DCC: variants seen among roughly 807,000 people sequenced by gnomAD.
DCC encodes netrin receptor DCC.
A neutral mutation model predicts 172.5 loss-of-function variants in DCC; 58 were observed. That is an observed-to-expected ratio of 0.34 (90% CI 0.27 to 0.42). The LOEUF (loss-of-function observed/expected upper bound fraction) is 0.42. Ranked by LOEUF, DCC falls within the 10% of genes least tolerant of loss-of-function variation. The pLI, the probability that DCC is intolerant of heterozygous loss-of-function variation, is 1.00. For synonymous variants in DCC, 709 were observed against 644.5 expected (o/e 1.10, Z -1.52); for missense variants, 1,740 against 1,791.0 (o/e 0.97, Z 0.51).
At chr18:53,474,656 G>A (rs2045739832) in intron 25 of DCC, among the ~76,000 whole-genome samples, 2 of 152,322 alleles carry the variant, frequency 1.3e-5, no homozygotes, top group South Asian at 4.2e-4. Context: ...GGTCTCCCCA[G>A]CCACATGGAA....
chr18:53,082,793 G>T (rs1024342565), intron 7 of DCC, among the ~76,000 whole-genome samples: 2 of 151,618 alleles, frequency 1.3e-5, no homozygotes, highest in Non-Finnish European at 2.9e-5. Flanking sequence ...CTTCTTTTCT[G>T]GCCTGGGATT....
At chr18:52,541,973 C>A (rs2032474484) in intron 1 of DCC, among the ~76,000 whole-genome samples, 1 of 142,520 alleles carries the variant, frequency 7.0e-6, no homozygotes, top group Non-Finnish European at 1.5e-5. Context: ...TATATTATAT[C>A]AAATATGTAA....
chr18:52,593,630 T>C (rs940449087), intron 1 of DCC, among the ~76,000 whole-genome samples: 8 of 152,196 alleles, frequency 5.3e-5, no homozygotes, highest in Non-Finnish European at 7.3e-5. Context: ...AACACAAACT[T>C]TAATCACTTA....
chr18:52,462,309 A>G (rs1041957038), intron 1 of DCC, among the ~76,000 whole-genome samples: 1 of 152,082 alleles, frequency 6.6e-6, no homozygotes, highest in African/African-American at 2.4e-5. Context: ...GAACCCTCCA[A>G]TGACTTCCCA....
chr18:52,758,045 G>T (rs8083125), intron 2 of DCC, among the ~76,000 whole-genome samples: 3 of 151,966 alleles, frequency 2.0e-5, no homozygotes, highest in Non-Finnish European at 2.9e-5. Flanking sequence ...TGGTAATAAT[G>T]ATAATAATAA....
intron 7 of DCC, among the ~76,000 whole-genome samples, chr18:53,073,646 G>A (rs550191151): frequency 5.9e-5 from 9 of 152,000 alleles, no homozygotes; most frequent in South Asian, 2.1e-4. Flanking sequence ...TTGGTTAGAC[G>A]TTTAGAAAAA....
intron 1 of DCC, among the ~76,000 whole-genome samples, chr18:52,359,598 A>T (rs986714531): frequency 5.3e-5 from 8 of 152,144 alleles, no homozygotes; most frequent in South Asian, 2.1e-4. Context: ...CTGAAATTGA[A>T]GTAGCCATCC....
chr18:52,631,176 A>T (rs534496809), intron 1 of DCC, among the ~76,000 whole-genome samples: 3 of 152,256 alleles, frequency 2.0e-5, no homozygotes, highest in Non-Finnish European at 4.4e-5. Flanking sequence ...CATGTTTGGG[A>T]CACTTTTTTC....
rs536765111 is a variant in DCC, at chr18:52,637,482, T to A, written c.92-114572T>A. ...GCCTAAAGAAAAAAAAATAAAGAAT[T>A]TAGGAAACTTTGGAGGCGCTTTTGG... On this transcript the variant is annotated intron_variant, in intron 1 of 28. Transcript: ENST00000442544. 1.1e-4 allele frequency among the ~76,000 whole-genome samples: 17 copies of A among 152,018 alleles called. No individual in the cohort carries two copies. The South Asian group carries it at 3.5e-3, about 32-fold the overall frequency.
intron 27 of DCC, among the ~76,000 whole-genome samples, chr18:53,524,792 T>C (rs2046436756): frequency 6.6e-6 from 1 of 151,950 alleles, no homozygotes; most frequent in African/African-American, 2.4e-5. Flanking sequence ...CATCCTTCAT[T>C]TGCTCCATGG....
At chr18:52,558,369 C>G (rs894966329) in intron 1 of DCC, among the ~76,000 whole-genome samples, 32 of 152,154 alleles carry the variant, frequency 2.1e-4, no homozygotes, top group African/African-American at 7.7e-4. Context: ...AATTTCTCTA[C>G]ACATATTGTC....
chr18:53,442,087 T>A (rs1912313634), intron 22 of DCC, among the ~76,000 whole-genome samples: 1 of 152,198 alleles, frequency 6.6e-6, no homozygotes, highest in Non-Finnish European at 1.5e-5. Context: ...CAGCCATACA[T>A]TCTCATTGTT....
At chr18:53,351,574 G>T in intron 15 of DCC, among the ~76,000 whole-genome samples, 2 of 141,120 alleles carry the variant, frequency 1.4e-5, no homozygotes, top group East Asian at 2.1e-4. Flanking sequence ...TTTTCCTTTT[G>T]TTAAAATAAC....
chr18:52,639,437 C>G (rs1316765954), intron 1 of DCC, among the ~76,000 whole-genome samples: 1 of 151,834 alleles, frequency 6.6e-6, no homozygotes, highest in East Asian at 1.9e-4. Context: ...AAAAAAGAGA[C>G]AAAATCCAAA....
At chr18:52,994,030 C>A (rs2041438859) in intron 5 of DCC, among the ~76,000 whole-genome samples, 1 of 152,000 alleles carries the variant, frequency 6.6e-6, no homozygotes, top group South Asian at 2.1e-4. Context: ...CAAAACTATC[C>A]AGCTCAGTTA....
intron 7 of DCC, among the ~76,000 whole-genome samples, chr18:53,101,039 T>A (rs936446149): frequency 1.3e-5 from 2 of 152,140 alleles, no homozygotes; most frequent in African/African-American, 4.8e-5. Flanking sequence ...ACAATTAACA[T>A]TTATTTGGAT....
At chr18:53,219,204 G>T (rs991850923) in intron 12 of DCC, among the ~76,000 whole-genome samples, 1 of 152,124 alleles carries the variant, frequency 6.6e-6, no homozygotes, top group Non-Finnish European at 1.5e-5. Flanking sequence ...ACTTTAATCT[G>T]TTGAACCTTT....
intron 1 of DCC, among the ~76,000 whole-genome samples, chr18:52,476,354 C>T (rs1019660613): frequency 9.2e-5 from 14 of 152,092 alleles, no homozygotes; most frequent in South Asian, 2.1e-4. Context: ...TGTTTAGGGG[C>T]GTGTGTGTGT....
chr18:53,134,004 G>A (rs1242442785), intron 7 of DCC, among the ~76,000 whole-genome samples: 1 of 152,182 alleles, frequency 6.6e-6, no homozygotes, highest in African/African-American at 2.4e-5. Context: ...TGGAGTACCA[G>A]CTAGGTTAAT....
Sources: gnomAD v4.1 joint callset for allele counts (sites outside exome capture counted in the v4.1 genomes callset) on GRCh38, gnomAD v4.1.1 for gene constraint, MANE v1.5 for transcripts, NCBI Gene and HGNC (gene_info 2026-07-23, HGNC 2026-07-21) for gene names.